The following FAM135A variants were observed in gnomAD, a reference collection of about 807,000 sequenced individuals.
The protein encoded by FAM135A is family with sequence similarity 135 member A.
In FAM135A, 79 loss-of-function variants were observed where a neutral mutation model predicts 146.8. The observed-to-expected ratio is 0.54, with a 90% CI of 0.45 to 0.65. FAM135A has a LOEUF of 0.65. FAM135A is among the 30% of genes least tolerant of loss of function. The probability of loss-of-function intolerance (pLI) is 0.00; values close to 1 mark genes in which losing one functional copy is unlikely to be tolerated. For missense variants in FAM135A, 1,623 were observed against 1,758.2 expected (o/e 0.92, Z 1.38); for synonymous variants, 562 against 603.6 (o/e 0.93, Z 1.01).
intron 21 of FAM135A, 75 bp downstream of exon 21, chr6:70,556,938 T>G (rs1363247661): frequency 1.0e-6 from 1 of 989,858 alleles, no homozygotes; most frequent in African/African-American, 1.6e-5. Flanking sequence ...GTAGTCACTT[T>G]CTCTCGTATC....
intron 12 of FAM135A, among the ~76,000 whole-genome samples, chr6:70,519,333 T>G (rs1403367326): frequency 6.6e-6 from 1 of 152,216 alleles, no homozygotes; most frequent in African/African-American, 2.4e-5. Flanking sequence ...AGTGGTTTCT[T>G]GAGATAGACT....
intron 4 of FAM135A, among the ~76,000 whole-genome samples, chr6:70,439,548 T>G (rs767701921): frequency 2.0e-5 from 3 of 152,250 alleles, no homozygotes; most frequent in Admixed American, 6.5e-5. Context: ...TTTTTCATTT[T>G]CTAGGGCACT....
At chr6:70,423,702 C>T (rs771758628) in intron 2 of FAM135A, among the ~76,000 whole-genome samples, 1 of 152,168 alleles carries the variant, frequency 6.6e-6, no homozygotes, top group Non-Finnish European at 1.5e-5. Context: ...GGCTGGGTGA[C>T]CATTTGGCTA....
chr6:70,545,319 G>A (rs892815871), intron 20 of FAM135A, among the ~76,000 whole-genome samples: 26 of 152,108 alleles, frequency 1.7e-4, no homozygotes, highest in African/African-American at 5.5e-4. Context: ...ACACTAAAGA[G>A]TACTATTTTC....
chr6:70,488,258 A>T (rs1243889262), intron 10 of FAM135A, among the ~76,000 whole-genome samples: 1 of 152,146 alleles, frequency 6.6e-6, no homozygotes, highest in Non-Finnish European at 1.5e-5. Context: ...AATACTGTGT[A>T]GTCATCTTAA....
chr6:70,495,609 T>C (rs960433981), intron 11 of FAM135A, among the ~76,000 whole-genome samples: 6 of 152,138 alleles, frequency 3.9e-5, no homozygotes, highest in African/African-American at 1.4e-4. Context: ...CACACACACA[T>C]ACACATACAC....
At chr6:70,528,977 G>A (rs1795264314) in intron 16 of FAM135A, among the ~76,000 whole-genome samples, 1 of 151,690 alleles carries the variant, frequency 6.6e-6, no homozygotes, top group Admixed American at 6.6e-5. Flanking sequence ...TGAGAATGAT[G>A]ATTTCCAGCT....
At chr6:70,450,754 T>TTTTTTTTTTTTTTTTTTTTTG (rs1776896126) in intron 4 of FAM135A, among the ~76,000 whole-genome samples, 1 of 110,614 alleles carries the variant, frequency 9.0e-6, no homozygotes. Context: ...TTTTTTTTTT[T>TTTTTTTTTTTTTTTTTTTTTG]TTTTGAGTCA....
rs929092304 is a variant in FAM135A, at chr6:70,536,383, C to G, written c.4089C>G (p.Leu1363=). 1 of 1,611,048 alleles carries G rather than the reference C, an allele frequency of 6.2e-7. No homozygotes were observed. Among genetic ancestry groups the G allele is most frequent in the African/African-American group, 1.3e-5 (1 of 74,762 alleles). ...LSLSGPHLGT[L]YNSSALVNTG... is the part of the protein sequence containing the mutation. ...TTTCTGGACCTCACCTTGGTACACT[C>G]TACAACAGCAGTGCTCTTGTTAATA... Residue 1363 remains leucine, a synonymous_variant, in exon 19 of 22, where the codon CTC becomes CTG. Coordinates refer to ENST00000418814, the MANE Select transcript of FAM135A (RefSeq NM_001162529.3).
At chr6:70,414,396 TCCTCTGGTAC>T (rs1435147801) in intron 1 of FAM135A, among the ~76,000 whole-genome samples, 1 of 152,150 alleles carries the variant, frequency 6.6e-6, no homozygotes, top group African/African-American at 2.4e-5. Context: ...GCCTTCTCTT[TCCTCTGGTAC>T]CCTGCTTCAT....
intron 5 of FAM135A, among the ~76,000 whole-genome samples, chr6:70,460,274 C>T (rs1779182486): frequency 6.6e-6 from 1 of 152,202 alleles, no homozygotes; most frequent in South Asian, 2.1e-4. Flanking sequence ...TGACCAGTCT[C>T]TGTAGCTTCA....
intron 12 of FAM135A, among the ~76,000 whole-genome samples, chr6:70,519,465 C>G (rs1456999918): frequency 6.6e-6 from 1 of 152,212 alleles, no homozygotes; most frequent in East Asian, 1.9e-4. Context: ...AAGTTCTACT[C>G]TGGGTAAAAT....
chr6:70,491,780 T>C (rs972470496), intron 11 of FAM135A, among the ~76,000 whole-genome samples: 4 of 151,918 alleles, frequency 2.6e-5, no homozygotes, highest in Non-Finnish European at 5.9e-5. Flanking sequence ...AGATATTTTC[T>C]TTAAAAAAGT....
At chr6:70,459,873 C>CA (rs1195629694) in intron 5 of FAM135A, among the ~76,000 whole-genome samples, 2 of 151,660 alleles carry the variant, frequency 1.3e-5, no homozygotes, top group South Asian at 2.1e-4. Context: ...ACGACAAATG[C>CA]AAAAAAAATT....
chr6:70,531,925 T>G (rs1004877331), intron 16 of FAM135A, among the ~76,000 whole-genome samples: 4 of 133,530 alleles, frequency 3.0e-5, no homozygotes, highest in South Asian at 2.7e-4. Flanking sequence ...AGACAGAATC[T>G]CACTCCGTCA....
In FAM135A at chr6:70,525,189, A is replaced by G; in HGVS notation, c.2105A>G (p.Asn702Ser). Residue 702 changes from asparagine (N) to serine (S), a missense_variant, in exon 15 of 22, where the codon AAT (asparagine) becomes AGT (serine). Physicochemically the swap from Asn to Ser is conservative, Grantham distance 46. Coordinates refer to ENST00000418814, the MANE Select transcript of FAM135A (RefSeq NM_001162529.3). ...CCCAACTTTGAGTCCTTAGAATCTA[A>G]TGGTAAATCTAAATCTATAGAAATA... ...LLPNFESLES[N>S]GKSKSIEITF... 2 of 1,595,046 alleles carry G rather than the reference A, an allele frequency of 1.3e-6. No individual in the cohort carries two copies. Among genetic ancestry groups the G allele is most frequent in the Non-Finnish European group, 1.7e-6 (2 of 1,173,614 alleles).
rs1367674464 is a variant in FAM135A, at chr6:70,475,772, T to C, written c.368+39T>C. 4.8e-6 allele frequency: 7 copies of C among 1,471,196 alleles called. No individual in the cohort carries two copies. The Admixed American group carries it at 5.6e-5, about 12-fold the overall frequency. 91.1% of individuals were successfully genotyped at this position (1,471,196 alleles called of 1,614,324 possible). On this transcript the variant is annotated intron_variant, in intron 7 of 21. Coordinates refer to ENST00000418814, the MANE Select transcript of FAM135A (RefSeq NM_001162529.3). ...CAATTAAAAAACCTTTAGGCACTTA[T>C]GACTGTTATTTGTTATTATTAGATT...
At chr6:70,542,276 A>ACC (rs1554168225) in intron 20 of FAM135A, among the ~76,000 whole-genome samples, 11 of 149,130 alleles carry the variant, frequency 7.4e-5, no homozygotes, top group Admixed American at 2.7e-4. Context: ...ACACACACAC[A>ACC]CCCTTTGCTG....
Position 70,524,033 on chromosome 6 carries a change from C to T in FAM135A, c.1170C>T (p.Pro390=). 1.9e-6 allele frequency: 3 copies of T among 1,613,282 alleles called. No homozygotes were observed. Among genetic ancestry groups the T allele is most frequent in the Non-Finnish European group, 2.5e-6 (3 of 1,179,532 alleles). The part of the protein sequence containing the change: ...KNTSFCSSLP[P]LPIECSELDG... ...CTTCCTTCTGCAGTTCTCTTCCACCCTTACCTATTGAATGTAGTGAATTAG... is the reference window on the plus strand; with the variant it reads ...CTTCCTTCTGCAGTTCTCTTCCACCTTTACCTATTGAATGTAGTGAATTAG... Residue 390 remains proline, a synonymous_variant, in exon 14 of 22, where the codon CCC becomes CCT. Coordinates refer to ENST00000418814, the MANE Select transcript of FAM135A (RefSeq NM_001162529.3).
Sources: allele counts gnomAD v4.1 joint callset (sites outside exome capture counted in the v4.1 genomes callset), GRCh38; gene constraint gnomAD v4.1.1; transcripts MANE v1.5; gene names NCBI Gene and HGNC (gene_info 2026-07-23, HGNC 2026-07-21).